EML1: variants seen among roughly 807,000 people sequenced by gnomAD.
EML1 encodes echinoderm microtubule-associated protein-like 1.
EML1 carries 27 observed loss-of-function variants against 110.4 expected under a neutral mutation model. The ratio of observed to expected loss-of-function variants is 0.24; its 90% CI spans 0.18 to 0.34. The LOEUF (loss-of-function observed/expected upper bound fraction) is 0.34. Among genes scored for constraint, EML1 ranks in the 10% least tolerant of loss-of-function variants. EML1 has a pLI of 1.00. For synonymous variants in EML1, 344 were observed against 385.8 expected (o/e 0.89, Z 1.27); for missense variants, 741 against 1,030.9 (o/e 0.72, Z 3.85).
upstream of EML1, among the ~76,000 whole-genome samples, chr14:99,789,451 C>T (rs2057636322): frequency 6.6e-6 from 1 of 152,174 alleles, no homozygotes; most frequent in Admixed American, 6.5e-5. Context: ...TCAGGTGATC[C>T]ACCCACCTCG....
chr14:99,866,243 G>T (rs2059096569), intron 3 of EML1, among the ~76,000 whole-genome samples: 1 of 152,200 alleles, frequency 6.6e-6, no homozygotes, highest in South Asian at 2.1e-4. Flanking sequence ...AGGAGTGTGA[G>T]ACCAGCCCAC....
intron 4 of EML1, among the ~76,000 whole-genome samples, chr14:99,883,871 C>T (rs2059430536): frequency 1.3e-5 from 2 of 152,202 alleles, no homozygotes; most frequent in Admixed American, 1.3e-4. Flanking sequence ...CAGACCAGGC[C>T]ACCATCTAGA....
chr14:99,878,284 T>C (rs1360958572), intron 3 of EML1, among the ~76,000 whole-genome samples: 1 of 152,156 alleles, frequency 6.6e-6, no homozygotes, highest in Non-Finnish European at 1.5e-5. Context: ...ACTGTGCTAG[T>C]GGCCTCAGTT....
chr14:99,916,858 G>A (rs114247303), intron 15 of EML1, among the ~76,000 whole-genome samples: 25 of 152,276 alleles, frequency 1.6e-4, no homozygotes, highest in African/African-American at 5.8e-4. Flanking sequence ...TCTGTACCGC[G>A]AAGCCTTGGC....
At chr14:99,755,397 C>T (rs1360413385) in intron 1 of EML1, among the ~76,000 whole-genome samples, 2 of 152,174 alleles carry the variant, frequency 1.3e-5, no homozygotes, top group Non-Finnish European at 2.9e-5. Context: ...TATCTCAGGT[C>T]CCACACGCTG....
upstream of EML1, among the ~76,000 whole-genome samples, chr14:99,769,170 C>T (rs2057397258): frequency 2.0e-5 from 3 of 152,312 alleles, no homozygotes; most frequent in South Asian, 4.1e-4. Flanking sequence ...GTCTGGTCCT[C>T]CTTTCTCAGC....
chr14:99,822,826 C>G (rs1236441017), intron 1 of EML1, among the ~76,000 whole-genome samples: 2 of 152,204 alleles, frequency 1.3e-5, no homozygotes, highest in African/African-American at 4.8e-5. Flanking sequence ...CCACACTCCT[C>G]CTTTCTTCAG....
At chr14:99,917,894 A>G in intron 16 of EML1, 45 bp downstream of exon 16, 1 of 1,598,354 alleles carries the variant, frequency 6.3e-7, no homozygotes, top group Non-Finnish European at 8.6e-7. Context: ...GCTTATGGAA[A>G]AGAGGCCTGT....
intron 3 of EML1, among the ~76,000 whole-genome samples, chr14:99,876,098 G>C (rs2059286118): frequency 6.6e-6 from 1 of 152,050 alleles, no homozygotes; most frequent in African/African-American, 2.4e-5. Flanking sequence ...AAGGAAGGAA[G>C]AGTGAAAGTT....
intron 4 of EML1, chr14:99,885,765 G>A (rs1367034667): frequency 5.2e-6 from 2 of 383,088 alleles, no homozygotes; most frequent in African/African-American, 4.2e-5. Context: ...GAAAGGAGGA[G>A]GAAGAGGGAA....
chr14:99,808,052 A>T (rs1297303238), intron 1 of EML1, among the ~76,000 whole-genome samples: 2 of 152,088 alleles, frequency 1.3e-5, no homozygotes, highest in Admixed American at 6.5e-5. Flanking sequence ...CCCTGGGGTG[A>T]AGTCTTCCCT....
At chr14:99,774,364 A>T (rs1448542294) in intron 1 of EML1, among the ~76,000 whole-genome samples, 1 of 152,194 alleles carries the variant, frequency 6.6e-6, no homozygotes, top group Non-Finnish European at 1.5e-5. Context: ...GGGGCCTGGC[A>T]GGGCCCAGAG....
chr14:99,919,793 G>A (rs1222757486), intron 16 of EML1, among the ~76,000 whole-genome samples: 2 of 152,138 alleles, frequency 1.3e-5, no homozygotes, highest in Admixed American at 1.3e-4. Context: ...AAGGTAAATG[G>A]TTGTTGAAGA....
chr14:99,768,085 C>T (rs1232457997), upstream of EML1, among the ~76,000 whole-genome samples: 4 of 152,172 alleles, frequency 2.6e-5, no homozygotes, highest in East Asian at 5.8e-4. Context: ...GAAGTCACTC[C>T]TTCGACTTCC....
exon 1 of EML1, chr14:99,737,790 A>G: frequency 7.8e-7 from 1 of 1,288,846 alleles, no homozygotes. Flanking sequence ...GCTCTGAGTG[A>G]CCCTGCAGGC....
intron 1 of EML1, among the ~76,000 whole-genome samples, chr14:99,798,647 C>T (rs2057820099): frequency 6.6e-6 from 1 of 152,132 alleles, no homozygotes; most frequent in African/African-American, 2.4e-5. Flanking sequence ...CCTTCTCAGC[C>T]TCCCAAAGTG....
intron 1 of EML1, among the ~76,000 whole-genome samples, chr14:99,756,760 C>T (rs961163609): frequency 2.6e-5 from 4 of 152,116 alleles, no homozygotes; most frequent in Non-Finnish European, 4.4e-5. Context: ...GTGTGATTCC[C>T]GTGCCCCCAG....
intron 8 of EML1, 113 bp from the exon 9 acceptor site, chr14:99,900,816 T>A: frequency 1.2e-6 from 1 of 841,384 alleles, no homozygotes; most frequent in Non-Finnish European, 1.9e-6. Flanking sequence ...CAGAAAAAGA[T>A]CTTTTGTTTT....
Position 99,743,524 on chromosome 14 carries a change from C to T in EML1, c.28+5664C>T, listed in dbSNP as rs541667646. Among the ~76,000 whole-genome samples, 11 of 152,306 alleles carry T rather than the reference C, an allele frequency of 7.2e-5. No individual in the cohort carries two copies. The East Asian group carries it at 1.5e-3, about 21-fold the overall frequency. ...TCCAGGACAGGCCCCCTTCCGTGTG[C>T]GGCCTGAGAGATGCTGATTTGTTAG... On this transcript the variant is annotated intron_variant, in intron 1 of 10. Coordinates refer to the EML1 transcript ENST00000554479.
Sources: gnomAD v4.1 joint callset for allele counts (sites outside exome capture counted in the v4.1 genomes callset) on GRCh38, gnomAD v4.1.1 for gene constraint, MANE v1.5 for transcripts, NCBI Gene and HGNC (gene_info 2026-07-23, HGNC 2026-07-21) for gene names.